DHX33: variants seen among roughly 807,000 people sequenced by gnomAD.
DHX33 encodes ATP-dependent RNA helicase DHX33.
In DHX33, 42 loss-of-function variants were observed where a neutral mutation model predicts 72.5. The ratio of observed to expected loss-of-function variants is 0.58; its 90% CI spans 0.45 to 0.75. The LOEUF (loss-of-function observed/expected upper bound fraction) is 0.75, where lower values mean the gene tolerates loss of function less well. Among genes scored for constraint, DHX33 ranks in the 30% least tolerant of loss-of-function variants. The pLI is 0.00. For missense variants in DHX33, 842 were observed against 917.5 expected (o/e 0.92, Z 1.06); for synonymous variants, 358 against 366.1 (o/e 0.98, Z 0.25).
intron 1 of DHX33, among the ~76,000 whole-genome samples, chr17:5,465,738 C>A (rs566732472): frequency 6.6e-6 from 1 of 152,258 alleles, no homozygotes; most frequent in Non-Finnish European, 1.5e-5. Flanking sequence ...CCACTACTGC[C>A]ATCGATCTTT....
intron 4 of DHX33, among the ~76,000 whole-genome samples, chr17:5,460,114 G>A (rs1381178122): frequency 2.7e-5 from 4 of 150,600 alleles, no homozygotes; most frequent in South Asian, 2.1e-4. Context: ...ACCTGGGTTC[G>A]CGCCATTCTC....
chr17:5,455,165 T>A lies in DHX33; in HGVS notation c.1142A>T (p.Asn381Ile), dbSNP rs1402949188. Residue 381 changes from asparagine to isoleucine, a missense_variant, in exon 6 of 12, where the codon AAC becomes ATC. Physicochemically the swap from Asn to Ile is moderately radical, Grantham distance 149 (BLOSUM62 -3). Transcript: ENST00000225296. ...CATGAACTACAAATTCTCACCAGGG[T>A]TATACTTCTTTGCTTTAACCATGCC... ...DTGMVKAKKYNPDSGLEVLAV... is the reference protein window; with the variant it reads ...DTGMVKAKKYIPDSGLEVLAV... 6.2e-7 allele frequency: 1 copy of A among 1,613,078 alleles called. No homozygotes were observed. The highest frequency in any genetic ancestry group is 1.7e-5 in the Admixed American group (1 of 60,020).
chr17:5,454,898 C>A (rs763097726), intron 6 of DHX33, among the ~76,000 whole-genome samples: 4 of 152,172 alleles, frequency 2.6e-5, no homozygotes, highest in Non-Finnish European at 5.9e-5. Flanking sequence ...GATGGGGTAC[C>A]AGACCCTCTG....
At chr17:5,468,224 C>G (rs1355880316) in intron 1 of DHX33, among the ~76,000 whole-genome samples, 1 of 152,214 alleles carries the variant, frequency 6.6e-6, no homozygotes, top group Non-Finnish European at 1.5e-5. Context: ...GCTTTCCCCC[C>G]TGCCTAGAAT....
intron 9 of DHX33, 143 bp downstream of exon 9, chr17:5,450,664 A>T: frequency 7.7e-7 from 1 of 1,301,472 alleles, no homozygotes; most frequent in Non-Finnish European, 1.1e-6. Flanking sequence ...CTGAACATGA[A>T]TCAGGGCTAT....
intron 1 of DHX33, among the ~76,000 whole-genome samples, chr17:5,466,416 A>G (rs1312411200): frequency 2.0e-5 from 3 of 152,172 alleles, no homozygotes; most frequent in South Asian, 2.1e-4. Context: ...AGCAGCATCC[A>G]TAAAGTTTCT....
chr17:5,462,454 T>C lies in DHX33; in HGVS notation c.543A>G (p.Ser181=), dbSNP rs1904684882. 2 of 1,614,062 alleles carry C rather than the reference T, an allele frequency of 1.2e-6. No individual in the cohort carries two copies. The highest frequency in any genetic ancestry group is 2.2e-5 in the South Asian group (2 of 91,090). ...AGCTGTATTTCCGAAGCAAAGAGTC[T>C]GAAATTGCTTCACGCAGAAGCATGC... ...TDGMLLREAI[S]DSLLRKYSCV... Residue 181 remains serine, a synonymous_variant, in exon 3 of 12, where the codon TCA becomes TCG. Transcript: ENST00000225296.
rs1487532726 is a variant in DHX33, at chr17:5,468,672, T to C, written c.188A>G (p.Tyr63Cys). 4.3e-6 allele frequency: 7 copies of C among 1,612,374 alleles called. No individual in the cohort carries two copies. The highest frequency in any genetic ancestry group is 5.9e-6 in the Non-Finnish European group (7 of 1,179,768). ...GCGCTGCAGCTCCACAGCTTCAGGG[T>C]AGGGACTGGCCGAGGGCTGGGCCAG... ...PPLAQPSASP[Y>C]PEAVELQRRS... Residue 63 changes from tyrosine to cysteine, a missense_variant, in exon 1 of 12, where the codon TAC becomes TGC. Transcript: ENST00000225296.
In DHX33 at chr17:5,453,661, G is replaced by C. The variant is rs1021052661; in HGVS notation, c.1315C>G (p.Leu439Val). The change falls in exon 8 of 12, where the codon CTG becomes GTG. Residue 439 changes from leucine to valine, a missense_variant. Leu to Val is a conservative substitution (Grantham distance 32). Coordinates refer to ENST00000225296, the MANE Select transcript of DHX33 (RefSeq NM_020162.4). ...MTVPEIQRCN[L>V]ASVMLQLLAM... Reference sequence around the variant, plus strand: ...AGAAGCTGAAGCATCACACTGGCCAGGTTACACCTGTGAAGAGCATGAGAC... The same window carrying C: ...AGAAGCTGAAGCATCACACTGGCCACGTTACACCTGTGAAGAGCATGAGAC... 63 of 1,614,036 alleles carry C rather than the reference G, an allele frequency of 3.9e-5. No homozygotes were observed. The highest frequency in any genetic ancestry group is 5.3e-5 in the Non-Finnish European group (62 of 1,180,026).
At position 5,444,786 on chromosome 17, in the gene DHX33, C is replaced by T. The variant is rs778307208; in HGVS notation, c.1816-273G>A. 3.3e-4 allele frequency among the ~76,000 whole-genome samples: 50 copies of T among 152,180 alleles called. No homozygotes were observed. The highest frequency in any genetic ancestry group is 6.0e-4 in the Non-Finnish European group (41 of 68,034). On this transcript the variant is annotated intron_variant, in intron 11 of 11. Coordinates refer to ENST00000225296, the MANE Select transcript of DHX33 (RefSeq NM_020162.4). This position sits in a 1 kb window ranked among gnomAD's most constrained non-coding sequence, Gnocchi z 4.9. Reference sequence around the variant, plus strand: ...GGTGCTCACATTAGCCACCAGACCACAGGCAGGTTGGGTGACCCACCCCTC... The same window carrying T: ...GGTGCTCACATTAGCCACCAGACCATAGGCAGGTTGGGTGACCCACCCCTC...
intron 10 of DHX33, among the ~76,000 whole-genome samples, chr17:5,449,501 A>G (rs1916798465): frequency 6.6e-6 from 1 of 152,176 alleles, no homozygotes; most frequent in Non-Finnish European, 1.5e-5. Context: ...CAGTGGCACG[A>G]TCTCGGCTCA....
chr17:5,462,746 A>G (rs1257922329), intron 2 of DHX33, among the ~76,000 whole-genome samples, 200 bp from the exon 3 acceptor site: 11 of 152,172 alleles, frequency 7.2e-5, no homozygotes, highest in Admixed American at 7.2e-4. Context: ...AACTATTACA[A>G]GGAATATTTA....
chr17:5,455,308 A>G, intron 5 of DHX33, 37 bp from the exon 6 acceptor site: 1 of 1,544,330 alleles, frequency 6.5e-7, no homozygotes, highest in Non-Finnish European at 9.0e-7. Flanking sequence ...CCGCATTGAC[A>G]CACGGATGAT....
chr17:5,453,112 C>T (rs1917022772), intron 8 of DHX33, among the ~76,000 whole-genome samples: 1 of 152,220 alleles, frequency 6.6e-6, no homozygotes, highest in Admixed American at 6.5e-5. Context: ...TTTGCAGTCC[C>T]TGTGCTGATA....
chr17:5,459,618 C>G (rs1017364832), intron 4 of DHX33, among the ~76,000 whole-genome samples: 3 of 151,870 alleles, frequency 2.0e-5, no homozygotes, highest in Non-Finnish European at 4.4e-5. Flanking sequence ...TTAGTAGAGA[C>G]AAGTCTTGCT....
chr17:5,446,121 T>A (rs1041620891), intron 11 of DHX33, among the ~76,000 whole-genome samples: 1 of 152,144 alleles, frequency 6.6e-6, no homozygotes. Context: ...GTTATAGGCA[T>A]GCACCACCAC....
rs1469620892 is a variant in DHX33 at position 5,453,637 on chromosome 17, G to C, written c.1339C>G (p.Leu447Val). 1.9e-6 allele frequency: 3 copies of C among 1,614,202 alleles called. No homozygotes were observed. In the South Asian group the frequency reaches 3.3e-5, roughly 18 times the overall value. ...AGCACATTTGGGACTTTCATTGCTAGAAGCTGAAGCATCACACTGGCCAGG... is the reference window on the plus strand; with the variant it reads ...AGCACATTTGGGACTTTCATTGCTACAAGCTGAAGCATCACACTGGCCAGG... ...CNLASVMLQL[L>V]AMKVPNVLTF... The change falls in exon 8 of 12, where the codon CTA becomes GTA. Residue 447 changes from leucine (L) to valine (V), a missense_variant. By Grantham distance (32) the Leu-to-Val change is conservative (BLOSUM62 1). Transcript: ENST00000225296.
chr17:5,467,834 G>A (rs570424314), intron 1 of DHX33, among the ~76,000 whole-genome samples: 2 of 152,120 alleles, frequency 1.3e-5, no homozygotes, highest in Non-Finnish European at 2.9e-5. Context: ...GACCGAAATC[G>A]GCCAGGAGCG....
In DHX33 at chr17:5,450,231, C is replaced by T. The variant is rs142039700; in HGVS notation, c.1700G>A (p.Arg567Gln). ...ATTTCCGCCTAGGTTTTTGAAGGTC[C>T]GATAGATATTGAGCAGGGTCATGTG... ...GDHMTLLNIY[R>Q]TFKNLGGNKD... Residue 567 changes from arginine to glutamine, a missense_variant, in exon 10 of 12, where the codon CGG becomes CAG. Transcript: ENST00000225296. The T allele has an allele frequency of 1.1e-4, 180 of 1,614,018 alleles. No homozygotes were observed. Among genetic ancestry groups the T allele is most frequent in the Non-Finnish European group, 1.5e-4 (173 of 1,180,028 alleles).
Sources: gnomAD v4.1 joint callset for allele counts (sites outside exome capture counted in the v4.1 genomes callset) on GRCh38, gnomAD v4.1.1 for gene constraint, Gnocchi (gnomAD v3.1) non-coding constraint, MANE v1.5 for transcripts, NCBI Gene and HGNC (gene_info 2026-07-23, HGNC 2026-07-21) for gene names.